The following PTPRD variants were observed in gnomAD, a reference collection of about 807,000 sequenced individuals.
The protein encoded by PTPRD is protein tyrosine phosphatase receptor type D.
PTPRD carries 34 observed loss-of-function variants against 214.5 expected under a neutral mutation model. The ratio of observed to expected loss-of-function variants is 0.16; its 90% CI spans 0.12 to 0.21. The LOEUF (loss-of-function observed/expected upper bound fraction) is 0.21. PTPRD is among the 10% of genes least tolerant of loss of function. The pLI, the probability that PTPRD is intolerant of heterozygous loss-of-function variation, is 1.00. For missense variants in PTPRD, 2,545 were observed against 2,398.7 expected (o/e 1.06, Z -1.27); for synonymous variants, 1,128 against 845.7 (o/e 1.33, Z -5.79).
chr9:8,557,920 T>G (rs1314395351), intron 14 of PTPRD, among the ~76,000 whole-genome samples: 1 of 151,184 alleles, frequency 6.6e-6, no homozygotes, highest in Non-Finnish European at 1.5e-5. Context: ...CATTTTCTAC[T>G]TACTTAAGTT....
At chr9:8,950,821 C>T (rs966678581) in intron 11 of PTPRD, among the ~76,000 whole-genome samples, 1 of 151,798 alleles carries the variant, frequency 6.6e-6, no homozygotes, top group African/African-American at 2.4e-5. Flanking sequence ...GGTTAAGCTA[C>T]TACATGTCAG....
rs533580338 is a variant in PTPRD at position 8,371,916 on chromosome 9, C to T, written c.4661+4020G>A. On this transcript the variant is annotated intron_variant, in intron 39 of 45. Transcript: ENST00000381196. Reference sequence around the variant, plus strand: ...GGCCCAAGGAGTCAACAATGAGGTGCGAAGGGTGAGATCAGCCTAAATTAC... The same window carrying T: ...GGCCCAAGGAGTCAACAATGAGGTGTGAAGGGTGAGATCAGCCTAAATTAC... Among the ~76,000 whole-genome samples, 17 of 151,892 alleles carry T rather than the reference C, an allele frequency of 1.1e-4. No homozygotes were observed. The South Asian group carries it at 2.3e-3, about 20-fold the overall frequency.
intron 10 of PTPRD, among the ~76,000 whole-genome samples, chr9:9,058,529 G>A (rs1213348367): frequency 4.5e-5 from 6 of 133,474 alleles, no homozygotes; most frequent in Non-Finnish European, 7.7e-5. Context: ...GCTCACTGCA[G>A]CCTCCGCCCC....
intron 2 of PTPRD, among the ~76,000 whole-genome samples, chr9:10,569,125 C>T (rs572261133): frequency 6.6e-6 from 1 of 152,212 alleles, no homozygotes; most frequent in African/African-American, 2.4e-5. Context: ...TGAACAGACA[C>T]TTCTAAAAAG....
intron 3 of PTPRD, among the ~76,000 whole-genome samples, chr9:10,219,384 T>G (rs1397344077): frequency 6.6e-6 from 1 of 151,882 alleles, no homozygotes; most frequent in East Asian, 1.9e-4. Context: ...GGAATGAGTC[T>G]GTCAAGATTC....
chr9:9,548,139 G>C (rs2079253257), intron 8 of PTPRD, among the ~76,000 whole-genome samples: 1 of 151,654 alleles, frequency 6.6e-6, no homozygotes. Context: ...GAATGATAAA[G>C]AAAATTCTTC....
intron 9 of PTPRD, among the ~76,000 whole-genome samples, chr9:9,386,036 A>G (rs1268261270): frequency 2.0e-5 from 3 of 152,118 alleles, no homozygotes; most frequent in Admixed American, 2.0e-4. Context: ...TCTTATATGA[A>G]AATACTTACC....
At chr9:8,961,556 G>A (rs1004249893) in intron 11 of PTPRD, among the ~76,000 whole-genome samples, 3 of 152,094 alleles carry the variant, frequency 2.0e-5, no homozygotes, top group African/African-American at 7.2e-5. Context: ...CCAGGCACAT[G>A]TTTTACATTC....
At chr9:8,798,290 C>T (rs947427100) in intron 11 of PTPRD, among the ~76,000 whole-genome samples, 2 of 152,142 alleles carry the variant, frequency 1.3e-5, no homozygotes, top group African/African-American at 4.8e-5. Flanking sequence ...AAGTCCAGTT[C>T]TCCAGCAACT....
chr9:9,839,536 C>G (rs1419344400), intron 5 of PTPRD, among the ~76,000 whole-genome samples: 1 of 151,994 alleles, frequency 6.6e-6, no homozygotes, highest in East Asian at 1.9e-4. Context: ...CAAACCACTG[C>G]TCAATGAAAT....
chr9:9,129,765 A>G (rs898277974), intron 10 of PTPRD, among the ~76,000 whole-genome samples: 9 of 152,136 alleles, frequency 5.9e-5, no homozygotes, highest in African/African-American at 2.2e-4. Context: ...TACATCCCAC[A>G]TACATATTGA....
intron 10 of PTPRD, among the ~76,000 whole-genome samples, chr9:9,071,239 T>G (rs1443719942): frequency 6.6e-6 from 1 of 152,304 alleles, no homozygotes; most frequent in African/African-American, 2.4e-5. Flanking sequence ...TCATTCCCTG[T>G]GTAATCAATG....
At position 9,339,358 on chromosome 9, in the gene PTPRD, T is replaced by C. The variant is rs997194401; in HGVS notation, c.-203+58091A>G. 9.4e-4 allele frequency among the ~76,000 whole-genome samples: 140 copies of C among 148,538 alleles called. 1 individual carries two copies. Among genetic ancestry groups the C allele is most frequent in the Middle Eastern group, 3.6e-3 (1 of 278 alleles). On this transcript the variant is annotated intron_variant, in intron 9 of 45. Coordinates refer to ENST00000381196, the MANE Select transcript of PTPRD (RefSeq NM_002839.4). ...AAAATTAGCCAGGCATGGTGGTGGG[T>C]GCCTGTAGTCCCAGCTACTCGGGAG...
At chr9:9,086,807 G>A (rs1266942722) in intron 10 of PTPRD, among the ~76,000 whole-genome samples, 4 of 152,170 alleles carry the variant, frequency 2.6e-5, no homozygotes, top group Admixed American at 2.6e-4. Flanking sequence ...CTGGTTAGGT[G>A]AGTCACAGAC....
intron 5 of PTPRD, among the ~76,000 whole-genome samples, chr9:9,907,305 A>G (rs2077858903): frequency 6.6e-6 from 1 of 152,066 alleles, no homozygotes; most frequent in East Asian, 1.9e-4. Context: ...TCCTATTATT[A>G]TTATATTAGT....
intron 36 of PTPRD, among the ~76,000 whole-genome samples, chr9:8,399,985 G>A (rs376850911): frequency 2.6e-4 from 39 of 152,042 alleles, no homozygotes; most frequent in East Asian, 1.3e-3. Flanking sequence ...CATGGTGCTC[G>A]GCATGTAATA....
intron 11 of PTPRD, among the ~76,000 whole-genome samples, chr9:8,768,585 T>C (rs1470729146): frequency 6.6e-6 from 1 of 151,986 alleles, no homozygotes; most frequent in African/African-American, 2.4e-5. Context: ...AAATAAGAAA[T>C]AAGAGTCATT....
intron 10 of PTPRD, among the ~76,000 whole-genome samples, chr9:9,137,705 T>C (rs1369223163): frequency 2.0e-5 from 3 of 152,160 alleles, no homozygotes; most frequent in East Asian, 3.8e-4. Flanking sequence ...ATCATTACTG[T>C]ACTCTCACAG....
At chr9:9,392,899 C>A (rs934178013) in intron 9 of PTPRD, among the ~76,000 whole-genome samples, 1 of 151,954 alleles carries the variant, frequency 6.6e-6, no homozygotes, top group Non-Finnish European at 1.5e-5. Flanking sequence ...GACAGCCAAG[C>A]AAAAAGGGCT....
Sources: gnomAD v4.1 joint callset for allele counts (sites outside exome capture counted in the v4.1 genomes callset) on GRCh38, gnomAD v4.1.1 for gene constraint, MANE v1.5 for transcripts, NCBI Gene and HGNC (gene_info 2026-07-23, HGNC 2026-07-21) for gene names.